Variants in XXYLT1 observed in about 807,000 individuals in gnomAD.
XXYLT1 encodes the protein UDP-xylose:alpha-xyloside alpha-1,3-xylosyltransferase.
In XXYLT1, 20 loss-of-function variants were observed where a neutral mutation model predicts 28.9. The observed-to-expected ratio is 0.69, with a 90% CI of 0.49 to 1.00. The LOEUF is 1.00. XXYLT1 is among the 50% of genes least tolerant of loss of function. XXYLT1 has a pLI of 0.00. For synonymous variants in XXYLT1, 257 were observed against 253.8 expected, an observed-to-expected ratio of 1.01 and a Z score of -0.12; for missense variants, 542 against 560.1, an observed-to-expected ratio of 0.97 and a Z score of 0.33.
chr3:195,135,489 G>A (rs1345584965), intron 3 of XXYLT1, among the ~76,000 whole-genome samples: 1 of 152,124 alleles, frequency 6.6e-6, no homozygotes, highest in African/African-American at 2.4e-5. Flanking sequence ...GGACAGTGAA[G>A]TACAAGTGGC....
At chr3:195,136,869 A>C (rs868509505) in intron 3 of XXYLT1, among the ~76,000 whole-genome samples, 1 of 152,212 alleles carries the variant, frequency 6.6e-6, no homozygotes, top group Non-Finnish European at 1.5e-5. Context: ...TAAATAACTT[A>C]TTCTTTGTTT....
In XXYLT1 at chr3:195,136,337, A is replaced by C. The variant is rs181559957; in HGVS notation, c.785+20112T>G. On this transcript the variant is annotated intron_variant, in intron 3 of 3. Transcript: ENST00000310380. ...ACTGCAACCCACCCCGGCCCAAAAA[A>C]ATAAATGGGACTCAGTGACCCAGGC... Among the ~76,000 whole-genome samples the C allele has an allele frequency of 3.3e-5, 5 of 152,310 alleles. No individual in the cohort carries two copies. In the East Asian group the frequency reaches 9.7e-4, roughly 29 times the overall value.
Position 195,270,908 on chromosome 3 carries a change from C to T in XXYLT1, c.151G>A (p.Ala51Thr). 1.4e-6 allele frequency: 2 copies of T among 1,478,092 alleles called. No homozygotes were observed. The highest frequency in any genetic ancestry group is 1.3e-5 in the South Asian group (1 of 77,248). The allele number at this position is 1,478,092 out of a possible 1,614,324, so 91.6% of individuals were successfully genotyped here. A position where few individuals can be genotyped will look rare whatever the true frequency, so the allele number is the denominator to read the frequency against. The part of the protein sequence containing the change: ...LGSGRETFSS[A>T]TKRLKEARAG... ...CGGGCCTCCTTCAGCCTCTTGGTGGCGCTGGAGAAGGTCTCCCGGCCTGAG... is the reference window on the plus strand; with the variant it reads ...CGGGCCTCCTTCAGCCTCTTGGTGGTGCTGGAGAAGGTCTCCCGGCCTGAG... Residue 51 changes from alanine (A) to threonine (T), a missense_variant, in exon 1 of 4, where the codon GCC becomes ACC. By Grantham distance (58) the Ala-to-Thr change is moderately conservative (BLOSUM62 0). Coordinates refer to ENST00000310380, the MANE Select transcript of XXYLT1 (RefSeq NM_152531.5).
rs987752790 is a variant in XXYLT1, at chr3:195,255,377, G to T, written c.504+15178C>A. On this transcript the variant is annotated intron_variant, in intron 1 of 3. Coordinates refer to ENST00000310380, the MANE Select transcript of XXYLT1 (RefSeq NM_152531.5). This position sits in a 1 kb window ranked among gnomAD's most constrained non-coding sequence, Gnocchi z 4.5. Reference sequence around the variant, plus strand: ...TCAGCCCCCAGCAGGACCCAGTCGGGCTGGGGACTCAGCTCCATCCAAGTG... The same window carrying T: ...TCAGCCCCCAGCAGGACCCAGTCGGTCTGGGGACTCAGCTCCATCCAAGTG... Among the ~76,000 whole-genome samples the T allele has an allele frequency of 1.3e-5, 2 of 152,200 alleles. No individual in the cohort carries two copies. Among genetic ancestry groups the T allele is most frequent in the Non-Finnish European group, 2.9e-5 (2 of 68,034 alleles).
At chr3:195,179,558 C>T (rs1721846288) in intron 2 of XXYLT1, among the ~76,000 whole-genome samples, 1 of 152,022 alleles carries the variant, frequency 6.6e-6, no homozygotes, top group Non-Finnish European at 1.5e-5. Context: ...AAGAATCAGT[C>T]GGCTGAAGAG....
chr3:195,112,593 A>G (rs9681422), intron 3 of XXYLT1, among the ~76,000 whole-genome samples: 6 of 142,652 alleles, frequency 4.2e-5, no homozygotes, highest in African/African-American at 7.5e-5. Context: ...GCACACACAC[A>G]CACGCATGCA....
At chr3:195,110,022 A>G (rs1717431604) in intron 3 of XXYLT1, among the ~76,000 whole-genome samples, 1 of 41,004 alleles carries the variant, frequency 2.4e-5, no homozygotes, top group African/African-American at 7.7e-5. Context: ...GTGTGGCATG[A>G]GTGTGCATGT....
Position 195,184,749 on chromosome 3 carries a change from G to T in XXYLT1, c.653-28168C>A, listed in dbSNP as rs377576543. The T allele has an allele frequency of 6.1e-6, 6 of 985,170 alleles. No individual in the cohort carries two copies. In the African/African-American group the frequency reaches 8.7e-5, roughly 14 times the overall value. 61.0% of individuals were successfully genotyped at this position (985,170 alleles called of 1,614,324 possible). A position where few individuals can be genotyped will look rare whatever the true frequency, so the allele number is the denominator to read the frequency against. On this transcript the variant is annotated intron_variant, in intron 2 of 3. Transcript: ENST00000310380. ...GTCTATCATAGACACAGTAGGCTGG[G>T]AAAATATTCCAGGGAACTTAGCATT... is the stretch of plus-strand genomic sequence containing the variant.
At chr3:195,241,414 T>C (rs557418410) in intron 1 of XXYLT1, among the ~76,000 whole-genome samples, 110 of 152,114 alleles carry the variant, frequency 7.2e-4, no homozygotes, top group Non-Finnish European at 1.4e-3. Flanking sequence ...AGACAGATGA[T>C]TGAGTGATGG....
chr3:195,213,827 C>A (rs1053573273), intron 2 of XXYLT1, among the ~76,000 whole-genome samples: 3 of 152,196 alleles, frequency 2.0e-5, no homozygotes, highest in Admixed American at 2.0e-4. Context: ...CTCCCCACCA[C>A]CCCGGTGAGG....
chr3:195,247,891 C>T, intron 1 of XXYLT1: 1 of 685,692 alleles, frequency 1.5e-6, no homozygotes, highest in Non-Finnish European at 2.7e-6. Flanking sequence ...TTTCAAACAG[C>T]AGATCTCCTG....
intron 1 of XXYLT1, among the ~76,000 whole-genome samples, chr3:195,262,391 A>C (rs143185864): frequency 1.4e-4 from 21 of 152,336 alleles, no homozygotes; most frequent in African/African-American, 4.8e-4. Flanking sequence ...AGTGTTCTAG[A>C]ATCAGTGGTC....
intron 3 of XXYLT1, among the ~76,000 whole-genome samples, chr3:195,089,400 C>G (rs28760108): frequency 1.2e-4 from 18 of 151,922 alleles, no homozygotes; most frequent in Admixed American, 6.5e-5. Flanking sequence ...GGATTTTCAA[C>G]GCAGAATTTC....
chr3:195,151,074 C>A (rs1003205835), intron 3 of XXYLT1, among the ~76,000 whole-genome samples: 1 of 152,016 alleles, frequency 6.6e-6, no homozygotes, highest in Admixed American at 6.6e-5. Flanking sequence ...CCTCCCACCC[C>A]CTCCCTCTCT....
At chr3:195,244,082 A>G (rs964044265) in intron 1 of XXYLT1, among the ~76,000 whole-genome samples, 3 of 152,194 alleles carry the variant, frequency 2.0e-5, no homozygotes, top group African/African-American at 7.2e-5. Flanking sequence ...TTACTGAACC[A>G]TCACTAGTTT....
At chr3:195,268,332 G>A (rs1293636570) in intron 1 of XXYLT1, among the ~76,000 whole-genome samples, 1 of 151,972 alleles carries the variant, frequency 6.6e-6, no homozygotes, top group Non-Finnish European at 1.5e-5. Flanking sequence ...TCAGGAGGCT[G>A]GGCCAGGAGA....
chr3:195,098,761 C>T (rs1449996169), intron 3 of XXYLT1, among the ~76,000 whole-genome samples: 1 of 152,198 alleles, frequency 6.6e-6, no homozygotes, highest in South Asian at 2.1e-4. Context: ...AGTTAAGGCC[C>T]TGGTGCCTCT....
chr3:195,129,791 A>G lies in XXYLT1; in HGVS notation c.785+26658T>C, dbSNP rs1718812459. The stretch of plus-strand genomic sequence containing the variant: ...TGATACGAACGTCCATTTGCATGTT[A>G]GTGTGTGGGCGCATGTTTTCAGTTC... On this transcript the variant is annotated intron_variant, in intron 3 of 3. Coordinates refer to ENST00000310380, the MANE Select transcript of XXYLT1 (RefSeq NM_152531.5). This position sits in a 1 kb window ranked among gnomAD's most constrained non-coding sequence, Gnocchi z 4.4. 6.6e-6 allele frequency among the ~76,000 whole-genome samples: 1 copy of G among 151,912 alleles called. No homozygotes were observed. The highest frequency in any genetic ancestry group is 1.5e-5 in the Non-Finnish European group (1 of 67,992).
intron 3 of XXYLT1, among the ~76,000 whole-genome samples, chr3:195,140,606 C>A (rs1036749982): frequency 1.3e-5 from 2 of 151,930 alleles, no homozygotes; most frequent in African/African-American, 4.8e-5. Flanking sequence ...GTAGGGGAAG[C>A]AAGCACATCT....
Sources: gnomAD v4.1 joint callset for allele counts (sites outside exome capture counted in the v4.1 genomes callset) on GRCh38, gnomAD v4.1.1 for gene constraint, Gnocchi (gnomAD v3.1) non-coding constraint, MANE v1.5 for transcripts, NCBI Gene and HGNC (gene_info 2026-07-23, HGNC 2026-07-21) for gene names.